GRIA1: variants seen among roughly 807,000 people sequenced by gnomAD.
GRIA1 encodes glutamate receptor 1.
A neutral mutation model predicts 99.2 loss-of-function variants in GRIA1; 31 were observed. The ratio of observed to expected loss-of-function variants is 0.31; its 90% confidence interval spans 0.23 to 0.42. The LOEUF is 0.42. GRIA1 is among the 10% of genes least tolerant of loss of function. The pLI is 1.00. For missense variants in GRIA1, 782 were observed against 1,157.5 expected, an observed-to-expected ratio of 0.68 and a Z score of 4.71; for synonymous variants, 438 against 432.4, an observed-to-expected ratio of 1.01 and a Z score of -0.16.
At chr5:153,540,690 C>T (rs537425706) in intron 2 of GRIA1, among the ~76,000 whole-genome samples, 3 of 152,074 alleles carry the variant, frequency 2.0e-5, no homozygotes, top group Admixed American at 6.5e-5. Flanking sequence ...AACAAATAAA[C>T]GGGACAATCG....
intron 2 of GRIA1, among the ~76,000 whole-genome samples, chr5:153,565,098 G>T (rs1399640126): frequency 6.6e-6 from 1 of 152,154 alleles, no homozygotes; most frequent in Non-Finnish European, 1.5e-5. Flanking sequence ...ACCCATATAT[G>T]TAAACTACTG....
chr5:153,680,160 A>G (rs888977222), intron 7 of GRIA1, among the ~76,000 whole-genome samples: 6 of 152,140 alleles, frequency 3.9e-5, no homozygotes, highest in Non-Finnish European at 8.8e-5. Flanking sequence ...ACGGCCAAAC[A>G]GGGAAGACAC....
chr5:153,698,971 G>A lies in GRIA1; in HGVS notation c.1350G>A (p.Val450=), dbSNP rs1341249271. Residue 450 remains valine, a synonymous_variant, in exon 10 of 16, where the codon GTG becomes GTA. Transcript: ENST00000285900. ...VELAAEIAKH[V]GYSYRLEIVS... Reference sequence around the variant, plus strand: ...TGGCGGCAGAGATTGCCAAGCACGTGGGCTACTCCTACCGTCTGGAGATTG... The same window carrying A: ...TGGCGGCAGAGATTGCCAAGCACGTAGGCTACTCCTACCGTCTGGAGATTG... 2 of 1,612,802 alleles carry A rather than the reference G, an allele frequency of 1.2e-6. No homozygotes were observed. Among genetic ancestry groups the A allele is most frequent in the Admixed American group, 1.7e-5 (1 of 59,928 alleles).
chr5:153,695,741 C>G (rs558865086), intron 8 of GRIA1, among the ~76,000 whole-genome samples: 1 of 152,202 alleles, frequency 6.6e-6, no homozygotes, highest in Non-Finnish European at 1.5e-5. Context: ...GCATCCCTCA[C>G]AGGGAACATG....
At position 153,493,625 on chromosome 5, in the gene GRIA1, G is replaced by T. The variant is rs565353179; in HGVS notation, c.83-303G>T. 2.0e-5 allele frequency among the ~76,000 whole-genome samples: 3 copies of T among 152,298 alleles called. No homozygotes were observed. The South Asian group carries it at 6.2e-4, about 32-fold the overall frequency. The stretch of plus-strand genomic sequence containing the variant: ...GCAGCTCCTAGGTGGTTTGCACAAG[G>T]GAGGAAGAAGAGAAATGGCACAAGT... On this transcript the variant is annotated intron_variant, in intron 1 of 15. Transcript: ENST00000285900.
chr5:153,658,345 T>C lies in GRIA1; in HGVS notation c.699+2473T>C, dbSNP rs112163341. ...TAATTACATTGCCAGCCTCCATCTG[T>C]TGCCAAGTAACCCCTCAGTCACAGC... is the stretch of plus-strand genomic sequence containing the variant. On this transcript the variant is annotated intron_variant, in intron 5 of 15. Coordinates refer to ENST00000285900, the MANE Select transcript of GRIA1 (RefSeq NM_000827.4). Among the ~76,000 whole-genome samples, 1,347 of 152,258 alleles carry C rather than the reference T, an allele frequency of 8.8e-3. 22 individuals are homozygous for C. Among genetic ancestry groups the C allele is most frequent in the African/African-American group, 0.031 (1,290 of 41,554 alleles).
chr5:153,579,517 A>G (rs760906340), intron 2 of GRIA1, among the ~76,000 whole-genome samples: 1 of 152,322 alleles, frequency 6.6e-6, no homozygotes, highest in African/African-American at 2.4e-5. Context: ...CTCATTAGTC[A>G]TAGGCCCCCC....
intron 2 of GRIA1, among the ~76,000 whole-genome samples, chr5:153,555,814 G>A (rs1014128304): frequency 3.3e-5 from 5 of 152,314 alleles, no homozygotes; most frequent in East Asian, 3.9e-4. Flanking sequence ...GCTGAAAGTC[G>A]AATCATTTGA....
At chr5:153,777,323 A>G (rs1350854635) in intron 13 of GRIA1, among the ~76,000 whole-genome samples, 2 of 152,100 alleles carry the variant, frequency 1.3e-5, no homozygotes, top group Non-Finnish European at 2.9e-5. Flanking sequence ...ATGATGGGAG[A>G]TGACCAGGAA....
intron 11 of GRIA1, among the ~76,000 whole-genome samples, chr5:153,712,965 G>A (rs1055969488): frequency 5.9e-5 from 9 of 152,318 alleles, no homozygotes; most frequent in African/African-American, 2.2e-4. Flanking sequence ...TCTGCCCCAG[G>A]GCTGATGGGA....
In GRIA1 at chr5:153,519,929, T is replaced by TACACAA. The variant is rs1317021042; in HGVS notation, c.220+25866_220+25871dup. On this transcript the variant is annotated intron_variant, in intron 2 of 15. Transcript: ENST00000285900. ...TTTCTCCCTTAAAAATCTCTCCAGT[T>TACACAA]ACACAAAGTAGAGTAGGAGTGAAAG... Among the ~76,000 whole-genome samples the TACACAA allele has an allele frequency of 9.2e-5, 14 of 152,338 alleles. No individual in the cohort carries two copies. The South Asian group carries it at 1.7e-3, about 18-fold the overall frequency.
chr5:153,749,138 G>C (rs960884667), intron 11 of GRIA1, among the ~76,000 whole-genome samples: 2 of 152,166 alleles, frequency 1.3e-5, no homozygotes, highest in African/African-American at 4.8e-5. Context: ...ACCCAGGAGA[G>C]AGTGGGGCCT....
intron 3 of GRIA1, among the ~76,000 whole-genome samples, chr5:153,648,808 AAAT>A (rs749140163): frequency 6.4e-4 from 97 of 151,986 alleles, no homozygotes; most frequent in Admixed American, 1.6e-3. Flanking sequence ...TGCAAGATCA[AAAT>A]AATATCTGTG....
intron 11 of GRIA1, among the ~76,000 whole-genome samples, chr5:153,750,825 T>TG (rs1442081813): frequency 6.6e-6 from 1 of 152,164 alleles, no homozygotes; most frequent in East Asian, 1.9e-4. Flanking sequence ...AGGCCGGGCA[T>TG]GGTGGCTTAT....
chr5:153,766,240 G>C (rs1033358067), intron 12 of GRIA1, among the ~76,000 whole-genome samples: 16 of 152,136 alleles, frequency 1.1e-4, no homozygotes, highest in African/African-American at 3.6e-4. Flanking sequence ...GGCATTACTT[G>C]CTTAAGCTCA....
At chr5:153,657,187 C>T (rs1488282850) in intron 5 of GRIA1, among the ~76,000 whole-genome samples, 2 of 152,138 alleles carry the variant, frequency 1.3e-5, no homozygotes, top group Non-Finnish European at 2.9e-5. Context: ...AAGATTTTCA[C>T]TTTAATATAT....
intron 2 of GRIA1, among the ~76,000 whole-genome samples, chr5:153,506,867 A>T (rs1755556307): frequency 6.6e-6 from 1 of 152,220 alleles, no homozygotes; most frequent in Non-Finnish European, 1.5e-5. Flanking sequence ...TCACACCTGT[A>T]ATCCCAGCAC....
intron 2 of GRIA1, among the ~76,000 whole-genome samples, chr5:153,609,559 T>C (rs893954995): frequency 1.2e-5 from 1 of 80,632 alleles, no homozygotes. Context: ...TCTTTTCTTT[T>C]TTTTTTTTTT....
intron 5 of GRIA1, among the ~76,000 whole-genome samples, chr5:153,673,773 C>T (rs1756372040): frequency 6.6e-6 from 1 of 152,216 alleles, no homozygotes; most frequent in African/African-American, 2.4e-5. Flanking sequence ...TGTAAGATTT[C>T]CTTTTACAGT....
Sources: gnomAD v4.1 joint callset for allele counts (sites outside exome capture counted in the v4.1 genomes callset) on GRCh38, gnomAD v4.1.1 for gene constraint, MANE v1.5 for transcripts, NCBI Gene and HGNC (gene_info 2026-07-23, HGNC 2026-07-21) for gene names.